The following CLNK variants were observed in gnomAD, a reference collection of about 807,000 sequenced individuals.
CLNK encodes the protein cytokine-dependent hematopoietic cell linker.
CLNK carries 74 observed loss-of-function variants against 68.6 expected under a neutral mutation model. The ratio of observed to expected loss-of-function variants is 1.08; its 90% CI spans 0.89 to 1.31. The LOEUF (loss-of-function observed/expected upper bound fraction) is 1.31. Among genes scored for constraint, CLNK ranks in the 50% most tolerant of loss-of-function variants. The pLI is 0.00. For missense variants in CLNK, 553 were observed against 515.3 expected (o/e 1.07, Z -0.71); for synonymous variants, 198 against 172.2 (o/e 1.15, Z -1.17).
intron 8 of CLNK, 94 bp downstream of exon 8, chr4:10,558,313 C>T: frequency 1.0e-6 from 1 of 1,004,010 alleles, no homozygotes; most frequent in Non-Finnish European, 1.6e-6. Context: ...TGTGTAAGAT[C>T]ACCCATGACC....
the CLNK span, among the ~76,000 whole-genome samples, chr4:10,693,854 G>A: frequency 2.0e-5 from 3 of 152,108 alleles, no homozygotes; most frequent in African/African-American, 7.2e-5. Flanking sequence ...GATTTCTTAG[G>A]GATGCATATG....
At chr4:10,691,228 G>A in the CLNK span, among the ~76,000 whole-genome samples, 1 of 152,078 alleles carries the variant, frequency 6.6e-6, no homozygotes, top group Non-Finnish European at 1.5e-5. Flanking sequence ...TACATAATAT[G>A]TATAATATGG....
the CLNK span, among the ~76,000 whole-genome samples, chr4:10,720,058 A>G: frequency 2.6e-5 from 4 of 152,176 alleles, no homozygotes. Context: ...GACTAAAACA[A>G]TGCTGAGAGG....
intron 8 of CLNK, among the ~76,000 whole-genome samples, chr4:10,550,324 T>C (rs1455806052): frequency 1.3e-5 from 2 of 152,036 alleles, no homozygotes; most frequent in Non-Finnish European, 2.9e-5. Context: ...AAACCCTGTC[T>C]CTACTAAAAA....
rs751154862 is a variant in CLNK at position 10,669,037 on chromosome 4, A to G, written c.-42-1126T>C. 1.3e-3 allele frequency among the ~76,000 whole-genome samples: 193 copies of G among 152,324 alleles called. 2 individuals are homozygous for G. The highest frequency in any genetic ancestry group is 3.7e-4 in the Non-Finnish European group (25 of 68,022). On this transcript the variant is annotated intron_variant, in intron 1 of 18. Coordinates refer to ENST00000226951, the MANE Select transcript of CLNK (RefSeq NM_052964.4). Reference sequence around the variant, plus strand: ...AACACCCATCCCGCAATAAGAGCTGAGGTCCAGAGGACCCAGAAATTTCCA... The same window carrying G: ...AACACCCATCCCGCAATAAGAGCTGGGGTCCAGAGGACCCAGAAATTTCCA...
chr4:10,543,784 C>T (rs1371136985), intron 8 of CLNK, among the ~76,000 whole-genome samples: 1 of 152,084 alleles, frequency 6.6e-6, no homozygotes, highest in East Asian at 1.9e-4. Flanking sequence ...TTTTGAAAAA[C>T]ACTTTTGAAA....
chr4:10,592,982 C>T (rs1721234789), intron 3 of CLNK, among the ~76,000 whole-genome samples: 1 of 152,174 alleles, frequency 6.6e-6, no homozygotes, highest in South Asian at 2.1e-4. Context: ...CCATCTCAGC[C>T]TCCCAAAGTG....
intron 1 of CLNK, among the ~76,000 whole-genome samples, chr4:10,676,980 A>ATTTT (rs10647095): frequency 7.4e-4 from 106 of 143,506 alleles, no homozygotes; most frequent in East Asian, 6.1e-4. Context: ...TCTCGCCCCT[A>ATTTT]TTTTTTTTTT....
intron 2 of CLNK, among the ~76,000 whole-genome samples, chr4:10,628,424 T>G (rs1362637426): frequency 1.4e-4 from 22 of 152,182 alleles, no homozygotes; most frequent in Admixed American, 1.4e-3. Context: ...AAATATTCAT[T>G]TATGAGATTA....
intron 3 of CLNK, among the ~76,000 whole-genome samples, chr4:10,590,836 G>A (rs1469540289): frequency 1.3e-5 from 2 of 151,988 alleles, no homozygotes; most frequent in East Asian, 3.9e-4. Flanking sequence ...GTACAAAAAT[G>A]ATTTCACTCA....
At chr4:10,511,747 T>TA (rs1438435185) in intron 16 of CLNK, among the ~76,000 whole-genome samples, 1 of 152,230 alleles carries the variant, frequency 6.6e-6, no homozygotes, top group Admixed American at 6.5e-5. Context: ...TATACCATTC[T>TA]GTTTATCCAT....
the CLNK span, among the ~76,000 whole-genome samples, chr4:10,724,370 C>T: frequency 6.6e-6 from 1 of 152,132 alleles, no homozygotes; most frequent in Non-Finnish European, 1.5e-5. Context: ...ACCCGTCTTC[C>T]CTATGCTCAG....
the CLNK span, among the ~76,000 whole-genome samples, chr4:10,700,565 A>G: frequency 6.6e-6 from 1 of 152,236 alleles, no homozygotes; most frequent in Non-Finnish European, 1.5e-5. Flanking sequence ...CAGATAAGGC[A>G]GATAAGGAAA....
chr4:10,586,157 T>TGTG (rs1553853805), intron 3 of CLNK, among the ~76,000 whole-genome samples: 2 of 151,878 alleles, frequency 1.3e-5, no homozygotes, highest in Non-Finnish European at 2.9e-5. Context: ...CCTCCTGCTG[T>TGTG]GCCCAGTTCC....
At chr4:10,717,969 GA>G in the CLNK span, among the ~76,000 whole-genome samples, 1 of 151,798 alleles carries the variant, frequency 6.6e-6, no homozygotes, top group African/African-American at 2.4e-5. Flanking sequence ...TGAAACAAAT[GA>G]AAAAATAAGA....
At chr4:10,713,129 T>A in the CLNK span, among the ~76,000 whole-genome samples, 1 of 152,298 alleles carries the variant, frequency 6.6e-6, no homozygotes, top group South Asian at 2.1e-4. Flanking sequence ...CTGATCTCAG[T>A]GCATTGGCTT....
chr4:10,541,588 A>T (rs1262972040), intron 10 of CLNK, among the ~76,000 whole-genome samples: 1 of 136,216 alleles, frequency 7.3e-6, no homozygotes, highest in East Asian at 2.0e-4. Context: ...TATATGTGTC[A>T]TATATATATG....
chr4:10,520,429 G>A (rs766236770), intron 15 of CLNK, among the ~76,000 whole-genome samples: 3 of 152,204 alleles, frequency 2.0e-5, no homozygotes, highest in Non-Finnish European at 4.4e-5. Context: ...CACTGTTGGT[G>A]AGACTAATTA....
chr4:10,684,350 C>T lies in CLNK; in HGVS notation c.-43+318G>A, dbSNP rs114771011. Among the ~76,000 whole-genome samples, 493 of 152,302 alleles carry T rather than the reference C, an allele frequency of 3.2e-3. 6 individuals are homozygous for T. Among genetic ancestry groups the T allele is most frequent in the African/African-American group, 0.011 (471 of 41,582 alleles). The stretch of plus-strand genomic sequence containing the variant: ...ACTTAATGAAGGTCAGCCAGGAAAG[C>T]CAGCCATGGGGCCTGGTCTTTAGAT... On this transcript the variant is annotated intron_variant, in intron 1 of 18. Coordinates refer to ENST00000226951, the MANE Select transcript of CLNK (RefSeq NM_052964.4).
Sources: allele counts gnomAD v4.1 joint callset (sites outside exome capture counted in the v4.1 genomes callset), GRCh38; gene constraint gnomAD v4.1.1; transcripts MANE v1.5; gene names NCBI Gene and HGNC (gene_info 2026-07-23, HGNC 2026-07-21).